Variants in PRKG2 observed in about 807,000 individuals in gnomAD.
The protein encoded by PRKG2 is protein kinase cGMP-dependent 2.
A neutral mutation model predicts 97.2 loss-of-function variants in PRKG2; 33 were observed. The observed-to-expected ratio is 0.34, with a 90% CI of 0.26 to 0.45. PRKG2 has a LOEUF of 0.45. Among genes scored for constraint, PRKG2 ranks in the 20% least tolerant of loss-of-function variants. The pLI is 1.00. For synonymous variants in PRKG2, 330 were observed against 321.8 expected (o/e 1.03, Z -0.27); for missense variants, 638 against 900.0 (o/e 0.71, Z 3.73).
intron 12 of PRKG2, among the ~76,000 whole-genome samples, chr4:81,140,308 ATTGT>A (rs1747147856): frequency 1.3e-5 from 2 of 152,180 alleles, no homozygotes; most frequent in South Asian, 2.1e-4. Context: ...GTATAAGTAG[ATTGT>A]TTGTAACACA....
rs978421329 is a variant in PRKG2, at chr4:81,088,160, T to C, written c.*1548A>G. The C allele has an allele frequency of 2.0e-5, 3 of 152,142 alleles. No homozygotes were observed. Among genetic ancestry groups the C allele is most frequent in the African/African-American group, 7.2e-5 (3 of 41,454 alleles). 9.4% of individuals were successfully genotyped at this position (152,142 alleles called of 1,614,324 possible). A position where few individuals can be genotyped will look rare whatever the true frequency, so the allele number is the denominator to read the frequency against. On this transcript the variant is annotated 3_prime_UTR_variant, in exon 19 of 19. Transcript: ENST00000264399. ...ACAGCTCCAGGAAACAAAAACTCTT[T>C]GGTTCAGCAAAAGGATTATAAATGT...
intron 17 of PRKG2, among the ~76,000 whole-genome samples, chr4:81,102,602 A>G (rs1000057426): frequency 1.3e-5 from 2 of 152,218 alleles, no homozygotes; most frequent in Non-Finnish European, 2.9e-5. Context: ...TAGTACAAGC[A>G]TTTTGATTCT....
At chr4:81,214,339 T>C (rs1327221363) in intron 1 of PRKG2, among the ~76,000 whole-genome samples, 4 of 152,026 alleles carry the variant, frequency 2.6e-5, no homozygotes, top group Non-Finnish European at 1.5e-5. Flanking sequence ...ACCGTAGTTC[T>C]TCTCAGAACT....
intron 14 of PRKG2, among the ~76,000 whole-genome samples, chr4:81,133,795 T>C (rs1393846541): frequency 2.0e-5 from 3 of 152,262 alleles, no homozygotes; most frequent in South Asian, 2.1e-4. Flanking sequence ...ATGTGAAATA[T>C]GTTTTTTTTA....
At chr4:81,153,587 A>T in intron 7 of PRKG2, 57 bp downstream of exon 7, 1 of 1,390,748 alleles carries the variant, frequency 7.2e-7, no homozygotes, top group Non-Finnish European at 1.0e-6. Flanking sequence ...AGTTGAGTTT[A>T]TGGCAAACTG....
rs1750795986 is a variant in PRKG2 at position 81,174,947 on chromosome 4, G to A, written c.474C>T (p.Leu158=). 6.2e-7 allele frequency: 1 copy of A among 1,607,650 alleles called. No individual in the cohort carries two copies. ...RVRKDSSEKK[L]ITDALNKNQF... ...GATTTTTATTAAGGGCATCTGTAAT[G>A]AGCTTCTTCTCACTGGTATAATGGA... Residue 158 remains leucine, a synonymous_variant, in exon 3 of 19, where the codon CTC becomes CTT. Transcript: ENST00000264399.
chr4:81,090,643 CTGAA>C (rs1295617464), intron 18 of PRKG2, among the ~76,000 whole-genome samples: 1 of 152,118 alleles, frequency 6.6e-6, no homozygotes. Context: ...TAATGCCTAA[CTGAA>C]TGATCAGCTG....
At chr4:81,186,667 A>C (rs1189626163) in intron 2 of PRKG2, among the ~76,000 whole-genome samples, 1 of 152,206 alleles carries the variant, frequency 6.6e-6, no homozygotes, top group Non-Finnish European at 1.5e-5. Flanking sequence ...CCCTTCAAAA[A>C]AAATCAATGA....
At chr4:81,148,614 T>C (rs1350878870) in intron 9 of PRKG2, among the ~76,000 whole-genome samples, 1 of 152,180 alleles carries the variant, frequency 6.6e-6, no homozygotes, top group Non-Finnish European at 1.5e-5. Flanking sequence ...CCCTAGAAGA[T>C]GCAGAATTTA....
chr4:81,189,066 T>TAAAAAAAAAAAAAAAAAAAAAAAAA lies in PRKG2; in HGVS notation c.462-14132_462-14108dup. On this transcript the variant is annotated intron_variant, in intron 2 of 18. Transcript: ENST00000264399. ...AAAAAAAAAAGATTAAAAAAAATAA[T>TAAAAAAAAAAAAAAAAAAAAAAAAA]AAAAAAAAAAAAAAAAAAAAAAAAA... Among the ~76,000 whole-genome samples, 3 of 17,054 alleles carry TAAAAAAAAAAAAAAAAAAAAAAAAA rather than the reference T, an allele frequency of 1.8e-4. 1 individual carries two copies. Among genetic ancestry groups the TAAAAAAAAAAAAAAAAAAAAAAAAA allele is most frequent in the African/African-American group, 1.6e-3 (2 of 1,256 alleles). 11.2% of individuals were successfully genotyped at this position (17,054 alleles called of 152,430 possible).
intron 6 of PRKG2, among the ~76,000 whole-genome samples, chr4:81,156,355 G>T (rs2110066029): frequency 6.6e-6 from 1 of 152,220 alleles, no homozygotes; most frequent in East Asian, 1.9e-4. Flanking sequence ...AATGGTAAAG[G>T]GATCAATTCA....
At chr4:81,184,917 TAAAG>T (rs1751736668) in intron 2 of PRKG2, among the ~76,000 whole-genome samples, 1 of 151,546 alleles carries the variant, frequency 6.6e-6, no homozygotes, top group Non-Finnish European at 1.5e-5. Flanking sequence ...CTTAATGAAA[TAAAG>T]AGTGAATACA....
At chr4:81,201,529 T>G (rs1409377523) in intron 2 of PRKG2, among the ~76,000 whole-genome samples, 2 of 152,170 alleles carry the variant, frequency 1.3e-5, no homozygotes, top group Non-Finnish European at 2.9e-5. Flanking sequence ...AAGTTACACC[T>G]TCAGACCATA....
chr4:81,195,574 C>T (rs1463868230), intron 2 of PRKG2, among the ~76,000 whole-genome samples: 1 of 152,136 alleles, frequency 6.6e-6, no homozygotes, highest in Non-Finnish European at 1.5e-5. Context: ...TCCTGGCAAT[C>T]TCCATTCTAA....
chr4:81,099,556 C>T (rs193269258), intron 17 of PRKG2, among the ~76,000 whole-genome samples: 23 of 152,164 alleles, frequency 1.5e-4, no homozygotes, highest in African/African-American at 4.6e-4. Flanking sequence ...ATTGATGGGA[C>T]GTATCTCAAA....
At chr4:81,111,426 AATATT>A (rs1743953666) in intron 14 of PRKG2, among the ~76,000 whole-genome samples, 4 of 145,960 alleles carry the variant, frequency 2.7e-5, no homozygotes, top group African/African-American at 8.1e-5. Flanking sequence ...ATACATGATT[AATATT>A]ATATCATGTT....
intron 14 of PRKG2, 106 bp downstream of exon 14, chr4:81,135,049 G>A: frequency 8.9e-7 from 1 of 1,124,540 alleles, no homozygotes; most frequent in Non-Finnish European, 1.3e-6. Flanking sequence ...CTGCCAAAGA[G>A]AGAATAACAG....
intron 2 of PRKG2, among the ~76,000 whole-genome samples, chr4:81,192,678 G>C (rs926192449): frequency 6.6e-6 from 1 of 152,126 alleles, no homozygotes; most frequent in Non-Finnish European, 1.5e-5. Context: ...CTTAATAAAT[G>C]GTAGTCATAG....
At chr4:81,139,619 A>T (rs1347825223) in intron 12 of PRKG2, among the ~76,000 whole-genome samples, 1 of 151,388 alleles carries the variant, frequency 6.6e-6, no homozygotes. Context: ...TAGAAAAAAA[A>T]AAAAAATTAG....
Sources: gnomAD v4.1 joint callset for allele counts (sites outside exome capture counted in the v4.1 genomes callset) on GRCh38, gnomAD v4.1.1 for gene constraint, MANE v1.5 for transcripts, NCBI Gene and HGNC (gene_info 2026-07-23, HGNC 2026-07-21) for gene names.